The following FCRL1 variants were observed in gnomAD, a reference collection of about 807,000 sequenced individuals.
FCRL1 encodes Fc receptor like 1.
In FCRL1, 34 loss-of-function variants were observed where a neutral mutation model predicts 49.2. The observed-to-expected ratio is 0.69, with a 90% CI of 0.53 to 0.92. The LOEUF is 0.92. Ranked by LOEUF, FCRL1 falls within the 40% of genes least tolerant of loss-of-function variation. FCRL1 has a pLI of 0.00. For synonymous variants in FCRL1, 218 were observed against 201.6 expected, an observed-to-expected ratio of 1.08 and a Z score of -0.69; for missense variants, 524 against 524.1, an observed-to-expected ratio of 1.00 and a Z score of 0.00.
rs537706778 is a variant in FCRL1 at position 157,817,640 on chromosome 1, A to C, written c.31+2367T>G. On this transcript the variant is annotated intron_variant, in intron 1 of 10. Coordinates refer to ENST00000368176, the MANE Select transcript of FCRL1 (RefSeq NM_052938.5). ...CAGTGATTTTTTTGGCTAGGACCTC[A>C]AAAGCAAAAGCAATAAAAGCAAAAA... is the stretch of plus-strand genomic sequence containing the variant. Among the ~76,000 whole-genome samples, 13 of 152,290 alleles carry C rather than the reference A, an allele frequency of 8.5e-5. No homozygotes were observed. The East Asian group carries it at 2.5e-3, about 29-fold the overall frequency.
chr1:157,804,768 T>G (rs1265192043), intron 2 of FCRL1, among the ~76,000 whole-genome samples: 1 of 152,176 alleles, frequency 6.6e-6, no homozygotes, highest in Non-Finnish European at 1.5e-5. Context: ...CAAACCTCTG[T>G]AGAAACCATG....
At chr1:157,799,964 C>A in intron 7 of FCRL1, 94 bp downstream of exon 7, 2 of 1,154,922 alleles carry the variant, frequency 1.7e-6, no homozygotes, top group East Asian at 2.7e-5. Context: ...ATAATAAAGC[C>A]GGAAAAAAAA....
chr1:157,796,342 C>T (rs1299298519), intron 10 of FCRL1, among the ~76,000 whole-genome samples, 172 bp from the exon 11 acceptor site: 1 of 152,214 alleles, frequency 6.6e-6, no homozygotes, highest in Non-Finnish European at 1.5e-5. Flanking sequence ...TGCCTGTATC[C>T]CACTGGTGGA....
rs1336483161 is a variant in FCRL1 at position 157,798,101 on chromosome 1, C to T, written c.1114+60G>A. The T allele has an allele frequency of 6.4e-6, 10 of 1,555,102 alleles. No homozygotes were observed. In the Admixed American group the frequency reaches 1.7e-4, roughly 27 times the overall value. ...CAGGTTTGGCTAGCAGATGTTATCCCATTGTCCCTTCCCTAGCTTGCTGTA... is the reference window on the plus strand; with the variant it reads ...CAGGTTTGGCTAGCAGATGTTATCCTATTGTCCCTTCCCTAGCTTGCTGTA... On this transcript the variant is annotated intron_variant, in intron 8 of 10. Transcript: ENST00000368176.
chr1:157,820,024 A>T lies in FCRL1; in HGVS notation c.14T>A (p.Leu5Gln). 3 of 1,614,144 alleles carry T rather than the reference A, an allele frequency of 1.9e-6. No individual in the cohort carries two copies. Among genetic ancestry groups the T allele is most frequent in the Non-Finnish European group, 1.7e-6 (2 of 1,180,034 alleles). The change falls in exon 1 of 11, where the codon CTG becomes CAG. Residue 5 changes from leucine (L) to glutamine (Q), a missense_variant. Leu to Gln is a moderately radical substitution (Grantham distance 113, BLOSUM62 -2). Transcript: ENST00000368176. Reference protein sequence around the residue: MLPRLLLLICAPLCE... With the variant: MLPRQLLLICAPLCE... Reference sequence around the variant, plus strand: ...CAACTCACCACAGATCAACAGCAACAGCCTCGGCAGCATGAGGACCAGGTC... The same window carrying T: ...CAACTCACCACAGATCAACAGCAACTGCCTCGGCAGCATGAGGACCAGGTC...
intron 1 of FCRL1, among the ~76,000 whole-genome samples, chr1:157,816,640 G>A (rs1261843181): frequency 3.3e-5 from 5 of 151,800 alleles, no homozygotes; most frequent in Admixed American, 6.6e-5. Context: ...TGAGAAGGAA[G>A]AAGTTAAATT....
At position 157,794,700 on chromosome 1, in the gene FCRL1, C is replaced by T. The variant is rs1248287722; in HGVS notation, c.*1399G>A. On this transcript the variant is annotated 3_prime_UTR_variant, in exon 11 of 11. Transcript: ENST00000368176. ...TTTTTGAGAGTCTCCTTAATGTCCACCAGTGATGAGAAGGATTAAAATATA... is the reference window on the plus strand; with the variant it reads ...TTTTTGAGAGTCTCCTTAATGTCCATCAGTGATGAGAAGGATTAAAATATA... The T allele has an allele frequency of 6.6e-6, 1 of 151,990 alleles. No homozygotes were observed. The highest frequency in any genetic ancestry group is 1.9e-4 in the East Asian group (1 of 5,174). The allele number at this position is 151,990 out of a possible 1,614,324, so 9.4% of individuals were successfully genotyped here.
At chr1:157,816,796 G>A (rs925313151) in intron 1 of FCRL1, among the ~76,000 whole-genome samples, 1 of 143,798 alleles carries the variant, frequency 7.0e-6, no homozygotes, top group Non-Finnish European at 1.5e-5. Context: ...TAGATAGATA[G>A]ATAGATAGAT....
At chr1:157,812,035 C>T (rs899004485) in intron 1 of FCRL1, among the ~76,000 whole-genome samples, 1 of 152,142 alleles carries the variant, frequency 6.6e-6, no homozygotes, top group Non-Finnish European at 1.5e-5. Flanking sequence ...GGCATATGAC[C>T]CAGTCAGGCA....
At chr1:157,802,986 C>T (rs556150551) in intron 3 of FCRL1, among the ~76,000 whole-genome samples, 15 of 152,264 alleles carry the variant, frequency 9.9e-5, no homozygotes, top group Non-Finnish European at 1.6e-4. Flanking sequence ...AATTGTAAAT[C>T]GAACTGCCTT....
chr1:157,808,129 C>A (rs1002532718), intron 1 of FCRL1, among the ~76,000 whole-genome samples: 1 of 152,192 alleles, frequency 6.6e-6, no homozygotes, highest in Non-Finnish European at 1.5e-5. Flanking sequence ...CTTGTCCATA[C>A]AGCAAATAAT....
intron 9 of FCRL1, chr1:157,797,596 A>G: frequency 1.5e-6 from 1 of 688,914 alleles, no homozygotes. Flanking sequence ...GAGGTCAGGA[A>G]GAGGTAAGCC....
intron 1 of FCRL1, among the ~76,000 whole-genome samples, chr1:157,817,764 G>A (rs1322124367): frequency 6.6e-6 from 1 of 152,066 alleles, no homozygotes; most frequent in African/African-American, 2.4e-5. Flanking sequence ...AAAAGTACTT[G>A]CAGTCAATAC....
intron 1 of FCRL1, among the ~76,000 whole-genome samples, chr1:157,817,211 C>A (rs898140450): frequency 6.6e-6 from 1 of 151,732 alleles, no homozygotes; most frequent in Non-Finnish European, 1.5e-5. Context: ...CCCTGAATAG[C>A]CCAAACAACC....
At position 157,803,919 on chromosome 1, in the gene FCRL1, C is replaced by G; in HGVS notation, c.245G>C (p.Gly82Ala). 1 of 1,614,188 alleles carries G rather than the reference C, an allele frequency of 6.2e-7. No homozygotes were observed. Among genetic ancestry groups the G allele is most frequent in the Non-Finnish European group, 8.5e-7 (1 of 1,180,038 alleles). ...TGTCTGTGCCTCGCACCAGTATGACCCTGTGTCTTCTTTCCACATGGCAGC... is the reference window on the plus strand; with the variant it reads ...TGTCTGTGCCTCGCACCAGTATGACGCTGTGTCTTCTTTCCACATGGCAGC... ...QIAAMWKEDT[G>A]SYWCEAQTMA... The change falls in exon 3 of 11, where the codon GGG becomes GCG. Residue 82 changes from glycine to alanine, a missense_variant. Gly to Ala is a moderately conservative substitution (Grantham distance 60). Transcript: ENST00000368176.
At chr1:157,819,591 A>C (rs934736950) in intron 1 of FCRL1, among the ~76,000 whole-genome samples, 15 of 152,068 alleles carry the variant, frequency 9.9e-5, no homozygotes, top group African/African-American at 3.6e-4. Flanking sequence ...AAAACAAAGG[A>C]GTGATGATAA....
intron 2 of FCRL1, 118 bp from the exon 3 acceptor site, chr1:157,804,229 C>T: frequency 7.8e-7 from 1 of 1,288,128 alleles, no homozygotes. Flanking sequence ...GACACACAGG[C>T]CACCCTACAT....
chr1:157,805,713 C>T (rs768688757), intron 2 of FCRL1, among the ~76,000 whole-genome samples: 11 of 152,110 alleles, frequency 7.2e-5, no homozygotes, highest in Admixed American at 2.6e-4. Context: ...CTGGCCAACA[C>T]GGCAAAACTT....
At chr1:157,797,293 C>CT (rs1306193999) in intron 9 of FCRL1, among the ~76,000 whole-genome samples, 161 bp from the exon 10 acceptor site, 14 of 152,166 alleles carry the variant, frequency 9.2e-5, no homozygotes, top group African/African-American at 3.4e-4. Flanking sequence ...ATGTGATTCC[C>CT]TTAGTAGCCA....
Sources: gnomAD v4.1 joint callset for allele counts (sites outside exome capture counted in the v4.1 genomes callset) on GRCh38, gnomAD v4.1.1 for gene constraint, MANE v1.5 for transcripts, NCBI Gene and HGNC (gene_info 2026-07-23, HGNC 2026-07-21) for gene names.